FAM135A: variants seen among roughly 807,000 people sequenced by gnomAD.
The protein encoded by FAM135A is family with sequence similarity 135 member A, also known as protein FAM135A.
Under a neutral mutation model 146.8 loss-of-function variants are expected in FAM135A, and 79 were observed. The ratio of observed to expected loss-of-function variants is 0.54; its 90% CI spans 0.45 to 0.65. The LOEUF (loss-of-function observed/expected upper bound fraction) is 0.65, where lower values mean the gene tolerates loss of function less well. Ranked by LOEUF, FAM135A falls within the 30% of genes least tolerant of loss-of-function variation. The probability of loss-of-function intolerance (pLI) is 0.00; values close to 1 mark genes in which losing one functional copy is unlikely to be tolerated. For synonymous variants in FAM135A, 562 were observed against 603.6 expected (o/e 0.93, Z 1.01); for missense variants, 1,623 against 1,758.2 (o/e 0.92, Z 1.38).
chr6:70,470,017 A>G lies in FAM135A; in HGVS notation c.158-5393A>G, dbSNP rs187024223. Among the ~76,000 whole-genome samples the G allele has an allele frequency of 7.6e-4, 116 of 152,236 alleles. 1 individual carries two copies. Among genetic ancestry groups the G allele is most frequent in the Admixed American group, 2.2e-3 (34 of 15,294 alleles). On this transcript the variant is annotated intron_variant, in intron 5 of 21. Transcript: ENST00000418814. ...AAAAAAAGTAGAAAAAAAAACAACA[A>G]CAAAAGAACAAGAATGAGAGAATGC...
chr6:70,556,933 C>T (rs1016357429), intron 21 of FAM135A, 70 bp downstream of exon 21: 1 of 1,085,192 alleles, frequency 9.2e-7, no homozygotes, highest in Non-Finnish European at 1.4e-6. Flanking sequence ...TTCTTGTAGT[C>T]ACTTTCTCTC....
rs1156641011 is a variant in FAM135A, at chr6:70,524,573, C to T, written c.1489C>T (p.Leu497Phe). ...TAAATCCAAAGTTAAGGTTACTAAG[C>T]TTATGAAAACAATGAAATCTGAAAA... ...SNKSKVKVTK[L>F]MKTMKSENTK... is the part of the protein sequence containing the mutation. Residue 497 changes from leucine to phenylalanine, a missense_variant, in exon 15 of 22, where the codon CTT becomes TTT. Transcript: ENST00000418814. 52 of 1,543,272 alleles carry T rather than the reference C, an allele frequency of 3.4e-5. No homozygotes were observed. Among genetic ancestry groups the T allele is most frequent in the Non-Finnish European group, 4.5e-5 (52 of 1,144,936 alleles).
At chr6:70,419,274 C>G (rs933748914) in intron 2 of FAM135A, among the ~76,000 whole-genome samples, 1 of 152,164 alleles carries the variant, frequency 6.6e-6, no homozygotes, top group Non-Finnish European at 1.5e-5. Context: ...CAAAAATTAG[C>G]TGGGCGTGGT....
intron 10 of FAM135A, chr6:70,486,245 G>A (rs1784625300): frequency 6.2e-7 from 1 of 1,613,090 alleles, no homozygotes; most frequent in South Asian, 1.1e-5. Flanking sequence ...AACCATCTAG[G>A]TACGTTTACA....
intron 12 of FAM135A, among the ~76,000 whole-genome samples, chr6:70,508,246 T>C (rs1202185833): frequency 6.6e-6 from 1 of 152,202 alleles, no homozygotes; most frequent in African/African-American, 2.4e-5. Context: ...TTTTCCCTAA[T>C]ACGAGCATCC....
intron 5 of FAM135A, among the ~76,000 whole-genome samples, chr6:70,463,126 G>A (rs1356297061): frequency 2.0e-5 from 3 of 152,082 alleles, no homozygotes; most frequent in Non-Finnish European, 4.4e-5. Flanking sequence ...AGTTTCTCAA[G>A]TTTGATGGGT....
intron 5 of FAM135A, among the ~76,000 whole-genome samples, chr6:70,461,610 T>A (rs909834218): frequency 6.6e-6 from 1 of 152,096 alleles, no homozygotes; most frequent in Non-Finnish European, 1.5e-5. Flanking sequence ...ATTTATGAGA[T>A]AGGAAACATG....
At chr6:70,484,468 AATATTT>A (rs1248600601) in intron 10 of FAM135A, among the ~76,000 whole-genome samples, 10 of 152,176 alleles carry the variant, frequency 6.6e-5, no homozygotes, top group Non-Finnish European at 4.4e-5. Context: ...TTTAAAGGCA[AATATTT>A]ATTTCAAATA....
At chr6:70,454,973 A>T (rs1046243911) in intron 5 of FAM135A, among the ~76,000 whole-genome samples, 36 of 152,144 alleles carry the variant, frequency 2.4e-4, no homozygotes, top group Non-Finnish European at 3.7e-4. Context: ...GAAGAAAGTC[A>T]TTGTTAGCTT....
At chr6:70,532,896 C>A (rs1796092021) in intron 16 of FAM135A, among the ~76,000 whole-genome samples, 1 of 151,570 alleles carries the variant, frequency 6.6e-6, no homozygotes. Context: ...CATGCCACTG[C>A]ACTCCAGCTT....
chr6:70,536,087 C>G, intron 18 of FAM135A, 173 bp from the exon 19 acceptor site: 1 of 543,686 alleles, frequency 1.8e-6, no homozygotes, highest in Non-Finnish European at 3.1e-6. Flanking sequence ...TCTATACATT[C>G]TCACATTTTT....
At position 70,460,603 on chromosome 6, in the gene FAM135A, G is replaced by A. The variant is rs145448956; in HGVS notation, c.157+8032G>A. Among the ~76,000 whole-genome samples the A allele has an allele frequency of 3.0e-3, 459 of 152,306 alleles. 1 individual carries two copies. The highest frequency in any genetic ancestry group is 9.9e-3 in the African/African-American group (413 of 41,566). On this transcript the variant is annotated intron_variant, in intron 5 of 21. Transcript: ENST00000418814. ...AAAGAAGGAAGATCATAAGCGTCCAGTAAGACAATTAAGGCAGGTCTAGTT... is the reference window on the plus strand; with the variant it reads ...AAAGAAGGAAGATCATAAGCGTCCAATAAGACAATTAAGGCAGGTCTAGTT...
chr6:70,413,839 G>T lies in FAM135A; in HGVS notation c.-220+137G>T, dbSNP rs997435956. 9 of 985,336 alleles carry T rather than the reference G, an allele frequency of 9.1e-6. No individual in the cohort carries two copies. In the African/African-American group the frequency reaches 1.6e-4, roughly 17 times the overall value. The allele number at this position is 985,336 out of a possible 1,614,324, so 61.0% of individuals were successfully genotyped here. ...GTTCGCCCGCCGCGGCCCCTCACCC[G>T]ACTGCTGGCGGTCGGAGCCTGGCCC... On this transcript the variant is annotated intron_variant, in intron 1 of 21. Coordinates refer to ENST00000418814, the MANE Select transcript of FAM135A (RefSeq NM_001162529.3).
At chr6:70,469,717 C>A (rs991489514) in intron 5 of FAM135A, among the ~76,000 whole-genome samples, 5 of 151,988 alleles carry the variant, frequency 3.3e-5, no homozygotes, top group African/African-American at 7.2e-5. Context: ...AAGAACAGCA[C>A]CCCCACCCCC....
chr6:70,455,419 T>C (rs1369250734), intron 5 of FAM135A, among the ~76,000 whole-genome samples: 1 of 152,018 alleles, frequency 6.6e-6, no homozygotes, highest in Non-Finnish European at 1.5e-5. Context: ...CACACGTATA[T>C]ATACATGTGT....
intron 5 of FAM135A, among the ~76,000 whole-genome samples, chr6:70,455,473 T>C (rs758421159): frequency 6.6e-6 from 1 of 152,092 alleles, no homozygotes; most frequent in Non-Finnish European, 1.5e-5. Flanking sequence ...TCATTCATCT[T>C]AAAATGAAAA....
At chr6:70,529,656 G>C (rs1266126817) in intron 16 of FAM135A, among the ~76,000 whole-genome samples, 1 of 152,084 alleles carries the variant, frequency 6.6e-6, no homozygotes, top group Non-Finnish European at 1.5e-5. Flanking sequence ...TGGAGAAAAA[G>C]ATAGAAAGCA....
At chr6:70,443,690 CTT>C (rs1240426594) in intron 4 of FAM135A, among the ~76,000 whole-genome samples, 9 of 152,128 alleles carry the variant, frequency 5.9e-5, no homozygotes, top group Non-Finnish European at 8.8e-5. Context: ...AAAGTGAACT[CTT>C]TTTGCATATT....
In FAM135A at chr6:70,502,623, C is replaced by A. The variant is rs763020997; in HGVS notation, c.874-13C>A. 6.3e-7 allele frequency: 1 copy of A among 1,591,048 alleles called. No individual in the cohort carries two copies. Among genetic ancestry groups the A allele is most frequent in the South Asian group, 1.2e-5 (1 of 86,652 alleles). On this transcript the variant is annotated splice_polypyrimidine_tract_variant and intron_variant, in intron 11 of 21. Coordinates refer to ENST00000418814, the MANE Select transcript of FAM135A (RefSeq NM_001162529.3). ...CTTGGGAAATAGTGAAATTTTTTTT[C>A]TTTTCATTTCAGAAAATAGAGAATC... is the stretch of plus-strand genomic sequence containing the variant.
Sources: allele counts gnomAD v4.1 joint callset (sites outside exome capture counted in the v4.1 genomes callset), GRCh38; gene constraint gnomAD v4.1.1; transcripts MANE v1.5; gene names NCBI Gene and HGNC (gene_info 2026-07-23, HGNC 2026-07-21).